MED15: variants seen among roughly 807,000 people sequenced by gnomAD.
MED15 encodes the protein mediator complex subunit 15.
In MED15, 41 loss-of-function variants were observed where a neutral mutation model predicts 118.7. The ratio of observed to expected loss-of-function variants is 0.35; its 90% CI spans 0.27 to 0.45. The LOEUF (loss-of-function observed/expected upper bound fraction) is 0.45, where lower values mean the gene tolerates loss of function less well. Among genes scored for constraint, MED15 ranks in the 20% least tolerant of loss-of-function variants. MED15 has a pLI of 1.00. For missense variants in MED15, 740 were observed against 1,025.5 expected, an observed-to-expected ratio of 0.72 and a Z score of 3.80; for synonymous variants, 436 against 413.9, an observed-to-expected ratio of 1.05 and a Z score of -0.65.
chr22:20,573,880 C>T (rs551334249), intron 8 of MED15: 5 of 152,234 alleles, frequency 3.3e-5, no homozygotes, highest in African/African-American at 1.2e-4. Flanking sequence ...TCGACTCTCA[C>T]CCACTGGGGT....
chr22:20,576,978 A>G (rs548755770), intron 9 of MED15, among the ~76,000 whole-genome samples: 60 of 152,310 alleles, frequency 3.9e-4, no homozygotes, highest in African/African-American at 1.4e-3. Flanking sequence ...ACTGATTTTT[A>G]TAAACACAAA....
intron 16 of MED15, 116 bp downstream of exon 16, chr22:20,585,383 C>A: frequency 1.5e-6 from 2 of 1,355,722 alleles, no homozygotes; most frequent in Non-Finnish European, 2.0e-6. Flanking sequence ...TGTTCACGCC[C>A]CGCCAGGCTG....
intron 2 of MED15, among the ~76,000 whole-genome samples, chr22:20,540,737 C>G (rs140548641): frequency 6.6e-6 from 1 of 152,004 alleles, no homozygotes; most frequent in African/African-American, 2.4e-5. Context: ...CTACAAAAAA[C>G]GTAGATAAAT....
chr22:20,537,308 G>A (rs931412584), intron 2 of MED15, 104 bp downstream of exon 2: 5 of 978,758 alleles, frequency 5.1e-6, no homozygotes, highest in African/African-American at 1.6e-5. Context: ...GTAGGGGTGG[G>A]GTGGTTGCTC....
intron 4 of MED15, among the ~76,000 whole-genome samples, chr22:20,553,465 T>C: frequency 6.6e-6 from 1 of 152,166 alleles, no homozygotes; most frequent in Non-Finnish European, 1.5e-5. Context: ...TATCCAAAAG[T>C]GTTGAGCTCT....
Position 20,586,758 on chromosome 22 carries a change from C to T in MED15, c.*54C>T, listed in dbSNP as rs2057148359. ...CATCGGGGCCAAGGACACACGCCTC[C>T]TGTCAGACACTTCTAGGTGTTGGCT... On this transcript the variant is annotated 3_prime_UTR_variant, in exon 18 of 18. Transcript: ENST00000263205. 1 of 1,599,332 alleles carries T rather than the reference C, an allele frequency of 6.3e-7. No homozygotes were observed. The highest frequency in any genetic ancestry group is 8.5e-7 in the Non-Finnish European group (1 of 1,174,446).
Position 20,527,951 on chromosome 22 carries a change from C to T in MED15, c.69-9166C>T, listed in dbSNP as rs574631842. On this transcript the variant is annotated intron_variant, in intron 1 of 17. Transcript: ENST00000263205. ...CAGCCTGGGCGACAGAGCTAGACTCCGTCTCAAAAAAAAAAAAAAAAAAAA... is the reference window on the plus strand; with the variant it reads ...CAGCCTGGGCGACAGAGCTAGACTCTGTCTCAAAAAAAAAAAAAAAAAAAA... Among the ~76,000 whole-genome samples the T allele has an allele frequency of 2.0e-4, 27 of 133,514 alleles. 1 individual carries two copies. The East Asian group carries it at 4.9e-3, about 24-fold the overall frequency. 87.6% of individuals were successfully genotyped at this position (133,514 alleles called of 152,430 possible).
At chr22:20,552,948 T>C (rs1305942553) in intron 3 of MED15, 197 bp from the exon 4 acceptor site, 3 of 573,382 alleles carry the variant, frequency 5.2e-6, no homozygotes, top group Admixed American at 3.3e-5. Flanking sequence ...GGAGCTACTC[T>C]GCACCCTCTG....
intron 5 of MED15, among the ~76,000 whole-genome samples, chr22:20,558,219 C>T (rs1412862251): frequency 3.3e-5 from 5 of 152,184 alleles, no homozygotes; most frequent in Non-Finnish European, 7.3e-5. Context: ...CTCCCTGAAA[C>T]TAGTAGTGTT....
At chr22:20,570,636 C>T (rs1601612581) in intron 8 of MED15, among the ~76,000 whole-genome samples, 1 of 151,834 alleles carries the variant, frequency 6.6e-6, no homozygotes, top group African/African-American at 2.4e-5. Context: ...AGTGATTCAC[C>T]CGCCTCAGCC....
At chr22:20,563,632 T>A (rs2056323849) in intron 5 of MED15, among the ~76,000 whole-genome samples, 1 of 152,136 alleles carries the variant, frequency 6.6e-6, no homozygotes, top group African/African-American at 2.4e-5. Flanking sequence ...CAGAACTTAG[T>A]ACACACACCC....
chr22:20,578,391 C>T (rs1438178246), intron 9 of MED15, among the ~76,000 whole-genome samples: 3 of 152,218 alleles, frequency 2.0e-5, no homozygotes, highest in Non-Finnish European at 4.4e-5. Context: ...TGGCCTTCCC[C>T]GCAGAGGGCC....
chr22:20,549,231 G>A lies in MED15; in HGVS notation c.157-2205G>A, dbSNP rs373780006. On this transcript the variant is annotated intron_variant, in intron 2 of 17. Transcript: ENST00000263205. ...ATTGATGACTCCTGTGTCTGGCACTGTAAAGTGCCAAGTGCTAGCTGTTAC... is the reference window on the plus strand; with the variant it reads ...ATTGATGACTCCTGTGTCTGGCACTATAAAGTGCCAAGTGCTAGCTGTTAC... Among the ~76,000 whole-genome samples the A allele has an allele frequency of 4.5e-3, 684 of 152,322 alleles. 4 individuals are homozygous for A. Among genetic ancestry groups the A allele is most frequent in the Middle Eastern group, 0.02 (6 of 294 alleles).
chr22:20,555,966 G>A (rs1275262179), intron 5 of MED15, among the ~76,000 whole-genome samples: 1 of 152,196 alleles, frequency 6.6e-6, no homozygotes, highest in African/African-American at 2.4e-5. Flanking sequence ...CAAGCGATCT[G>A]CTCACCTCGG....
At position 20,586,812 on chromosome 22, in the gene MED15, T is replaced by A; in HGVS notation, c.*108T>A. ...TTAGAGAGCCTGGGGTTAGGTTAGCTTTCCTGCTTTTATCTTCTGCCTTGG... is the reference window on the plus strand; with the variant it reads ...TTAGAGAGCCTGGGGTTAGGTTAGCATTCCTGCTTTTATCTTCTGCCTTGG... On this transcript the variant is annotated 3_prime_UTR_variant, in exon 18 of 18. Coordinates refer to ENST00000263205, the MANE Select transcript of MED15 (RefSeq NM_001003891.3). 1.4e-6 allele frequency: 2 copies of A among 1,456,890 alleles called. No homozygotes were observed. Among genetic ancestry groups the A allele is most frequent in the East Asian group, 4.8e-5 (2 of 41,672 alleles). 90.2% of individuals were successfully genotyped at this position (1,456,890 alleles called of 1,614,324 possible).
At chr22:20,527,684 G>A (rs1010542659) in intron 1 of MED15, among the ~76,000 whole-genome samples, 101 of 152,152 alleles carry the variant, frequency 6.6e-4, no homozygotes, top group African/African-American at 2.2e-3. Context: ...TCAGCTGGAC[G>A]CAGTGGCTCA....
At chr22:20,576,655 G>GGCTTTGGTGAAA (rs2056831988) in intron 9 of MED15, among the ~76,000 whole-genome samples, 1 of 152,308 alleles carries the variant, frequency 6.6e-6, no homozygotes, top group African/African-American at 2.4e-5. Context: ...CTGGTAGAAA[G>GGCTTTGGTGAAA]GCTTTGGTGA....
chr22:20,543,311 A>G (rs1409895193), intron 2 of MED15, among the ~76,000 whole-genome samples: 1 of 139,042 alleles, frequency 7.2e-6, no homozygotes. Context: ...TCCTGGGTTC[A>G]GGTGATTATC....
intron 1 of MED15, among the ~76,000 whole-genome samples, chr22:20,520,164 T>C (rs2054395514): frequency 6.6e-6 from 1 of 152,212 alleles, no homozygotes; most frequent in South Asian, 2.1e-4. Flanking sequence ...CCAGCCTACG[T>C]ACCCCTTGCT....
Sources: allele counts gnomAD v4.1 joint callset (sites outside exome capture counted in the v4.1 genomes callset), GRCh38; gene constraint gnomAD v4.1.1; transcripts MANE v1.5; gene names NCBI Gene and HGNC (gene_info 2026-07-23, HGNC 2026-07-21).